The following CLEC12A variants were observed in gnomAD, a reference collection of about 807,000 sequenced individuals.
The protein encoded by CLEC12A is C-type lectin protein CLL-1.
Under a neutral mutation model 26.5 loss-of-function variants are expected in CLEC12A, and 22 were observed. That is an observed-to-expected ratio of 0.83 (90% CI 0.59 to 1.19). The LOEUF is 1.19. Ranked by LOEUF, CLEC12A falls within the 50% of genes most tolerant of loss-of-function variation. The pLI is 0.00. For synonymous variants in CLEC12A, 119 were observed against 101.9 expected, an observed-to-expected ratio of 1.17 and a Z score of -1.01; for missense variants, 353 against 315.6, an observed-to-expected ratio of 1.12 and a Z score of -0.90.
intron 1 of CLEC12A, among the ~76,000 whole-genome samples, chr12:9,972,087 G>T (rs1864153250): frequency 1.3e-5 from 2 of 151,380 alleles, no homozygotes; most frequent in Non-Finnish European, 1.5e-5. Context: ...AAAATGCTTT[G>T]TGTCAGACAG....
At chr12:9,956,407 A>G (rs1863741699) in intron 1 of CLEC12A, among the ~76,000 whole-genome samples, 1 of 152,214 alleles carries the variant, frequency 6.6e-6, no homozygotes, top group African/African-American at 2.4e-5. Context: ...ATGGAAACCT[A>G]GGAAGCAAGA....
chr12:9,964,759 T>C (rs550199117), intron 1 of CLEC12A, among the ~76,000 whole-genome samples: 3 of 152,294 alleles, frequency 2.0e-5, no homozygotes, highest in South Asian at 2.1e-4. Flanking sequence ...TGGTGACTTG[T>C]ACTATAGCAT....
downstream of CLEC12A, chr12:9,999,225 A>G: frequency 1.7e-6 from 1 of 584,798 alleles, no homozygotes; most frequent in Non-Finnish European, 3.0e-6. Context: ...GAACCATGTG[A>G]GATGGGACAC....
chr12:10,000,574 A>G (rs1159092140), downstream of CLEC12A, among the ~76,000 whole-genome samples: 2 of 152,196 alleles, frequency 1.3e-5, no homozygotes, highest in Non-Finnish European at 2.9e-5. Context: ...TTAAATCCCA[A>G]CACCATTTTT....
At chr12:10,001,468 GTCTTATATCT>G in the CLEC12A span, among the ~76,000 whole-genome samples, 1 of 152,144 alleles carries the variant, frequency 6.6e-6, no homozygotes, top group Admixed American at 6.5e-5. Context: ...CAGTCTGAGA[GTCTTATATCT>G]TATCTGTGTT....
chr12:9,996,357 C>A (rs911835889), downstream of CLEC12A, among the ~76,000 whole-genome samples: 1 of 152,142 alleles, frequency 6.6e-6, no homozygotes, highest in Non-Finnish European at 1.5e-5. Context: ...CTGGCATCTG[C>A]CTAGACTAAT....
intron 1 of CLEC12A, among the ~76,000 whole-genome samples, chr12:9,956,793 A>G (rs189118019): frequency 4.6e-4 from 70 of 152,338 alleles, no homozygotes; most frequent in African/African-American, 1.3e-3. Flanking sequence ...ATGTTTTGGA[A>G]GAAAACTGCA....
chr12:9,982,814 C>A (rs1282152855), intron 5 of CLEC12A, among the ~76,000 whole-genome samples: 1 of 152,058 alleles, frequency 6.6e-6, no homozygotes, highest in African/African-American at 2.4e-5. Context: ...TTTGGAGTCT[C>A]CAATGTCTAT....
intron 1 of CLEC12A, among the ~76,000 whole-genome samples, chr12:9,952,357 G>C (rs987013751): frequency 5.3e-5 from 8 of 150,928 alleles, no homozygotes; most frequent in African/African-American, 1.9e-4. Flanking sequence ...GACTGGTTTT[G>C]GTGGAGACGG....
chr12:9,965,950 G>A lies in CLEC12A; in HGVS notation c.11-5627G>A, dbSNP rs568925252. On this transcript the variant is annotated intron_variant, in intron 1 of 6. Coordinates refer to the CLEC12A transcript ENST00000355690. Reference sequence around the variant, plus strand: ...GGAGATACAAGGGGAGGATGTGAAGGAGGCTTTGACCTGGGGGAAAAGGTG... The same window carrying A: ...GGAGATACAAGGGGAGGATGTGAAGAAGGCTTTGACCTGGGGGAAAAGGTG... 5.3e-5 allele frequency among the ~76,000 whole-genome samples: 8 copies of A among 152,240 alleles called. 1 individual carries two copies. In the South Asian group the frequency reaches 1.7e-3, roughly 32 times the overall value.
At position 9,980,687 on chromosome 12, in the gene CLEC12A, C is replaced by T. The variant is rs779886163; in HGVS notation, c.485C>T (p.Ala162Val). ...TGGCAGGAGAGTAAAATGGCCTGTG[C>T]TGCTCAGAATGCCAGCCTGTTGAAG... Reference protein sequence around the residue: ...QTWQESKMACAAQNASLLKIN... With the variant: ...QTWQESKMACVAQNASLLKIN... The change falls in exon 4 of 6, where the codon GCT becomes GTT. Residue 162 changes from alanine to valine, a missense_variant. Physicochemically the swap from Ala to Val is moderately conservative, Grantham distance 64 (BLOSUM62 0). Transcript: ENST00000304361. 3.7e-6 allele frequency: 6 copies of T among 1,613,658 alleles called. No homozygotes were observed. The African/African-American group carries it at 6.7e-5, about 18-fold the overall frequency.
At chr12:9,996,104 G>A (rs659928), downstream of CLEC12A, among the ~76,000 whole-genome samples, 45,209 of 152,062 alleles carry the variant, frequency 0.3, 7,122 homozygotes, top group South Asian at 0.42. Flanking sequence ...CTTCTTGACA[G>A]ATATGTGAGA....
chr12:9,982,020 G>A lies in CLEC12A; in HGVS notation c.532G>A (p.Glu178Lys), dbSNP rs1200040758. Residue 178 changes from glutamate (E) to lysine (K), a missense_variant and splice_region_variant, in exon 5 of 6, where the codon GAA (glutamate) becomes AAA (lysine). By Grantham distance (56) the Glu-to-Lys change is moderately conservative. Transcript: ENST00000304361. ...LLKINNKNAL[E>K]FIKSQSRSYD... ...AACAGACTATCTGTATTTCCTGTAG[G>A]AATTTATAAAATCCCAGAGTAGATC... 5 of 1,455,634 alleles carry A rather than the reference G, an allele frequency of 3.4e-6. No individual in the cohort carries two copies. The South Asian group carries it at 5.8e-5, about 17-fold the overall frequency. The allele number at this position is 1,455,634 out of a possible 1,614,324, so 90.2% of individuals were successfully genotyped here.
the CLEC12A span, among the ~76,000 whole-genome samples, chr12:10,004,223 A>G: frequency 6.6e-6 from 1 of 152,212 alleles, no homozygotes. Flanking sequence ...ATCTGCAGAC[A>G]ACATAAGTGT....
At chr12:9,965,153 A>G (rs938577885) in intron 1 of CLEC12A, among the ~76,000 whole-genome samples, 2 of 152,300 alleles carry the variant, frequency 1.3e-5, no homozygotes, top group African/African-American at 2.4e-5. Context: ...AGCGGCAGCC[A>G]CTGCATGCAG....
chr12:9,999,082 A>G, downstream of CLEC12A: 2 of 1,610,336 alleles, frequency 1.2e-6, no homozygotes, highest in Non-Finnish European at 1.7e-6. Flanking sequence ...AAGGTGATGT[A>G]TCCATCTTCA....
intron 1 of CLEC12A, among the ~76,000 whole-genome samples, chr12:9,956,972 A>T (rs1276265028): frequency 7.1e-6 from 1 of 140,942 alleles, no homozygotes; most frequent in African/African-American, 2.7e-5. Flanking sequence ...ATAAGGAAAT[A>T]AAAACTAATT....
upstream of CLEC12A, among the ~76,000 whole-genome samples, chr12:9,968,335 A>T (rs1451515012): frequency 6.6e-6 from 1 of 152,094 alleles, no homozygotes; most frequent in Non-Finnish European, 1.5e-5. Flanking sequence ...TGTTTATTTC[A>T]CCTGGGTGCA....
At chr12:9,963,629 G>T (rs535609500) in intron 1 of CLEC12A, among the ~76,000 whole-genome samples, 1 of 152,172 alleles carries the variant, frequency 6.6e-6, no homozygotes, top group South Asian at 2.1e-4. Flanking sequence ...GGAGCTCTTC[G>T]GTCCTATTTG....
Sources: gnomAD v4.1 joint callset for allele counts (sites outside exome capture counted in the v4.1 genomes callset) on GRCh38, gnomAD v4.1.1 for gene constraint, MANE v1.5 for transcripts, NCBI Gene and HGNC (gene_info 2026-07-23, HGNC 2026-07-21) for gene names.